EEIG1: variants seen among roughly 807,000 people sequenced by gnomAD.
EEIG1 encodes the protein estrogen-induced osteoclastogenesis regulator 1.
chr9:127,967,167 TG>T, the EEIG1 span, among the ~76,000 whole-genome samples: 2 of 152,168 alleles, frequency 1.3e-5, no homozygotes, highest in African/African-American at 4.8e-5. Context: ...CAAGACCTGC[TG>T]GTGTTGGGGA....
the EEIG1 span, chr9:127,943,265 C>T: frequency 7.2e-5 from 116 of 1,611,910 alleles, no homozygotes; most frequent in Non-Finnish European, 5.0e-5. Flanking sequence ...GTCAGCATGT[C>T]CCCCTCGATA....
chr9:127,943,159 G>T, the EEIG1 span: 1 of 1,610,018 alleles, frequency 6.2e-7, no homozygotes, highest in South Asian at 1.1e-5. Flanking sequence ...TCCAGAGAAA[G>T]CAGGACTCTT....
the EEIG1 span, chr9:127,979,879 G>C: frequency 3.8e-6 from 5 of 1,313,924 alleles, no homozygotes; most frequent in Non-Finnish European, 3.1e-6. Context: ...CAGGCACACA[G>C]AATCCCCCGG....
chr9:127,953,930 G>C, the EEIG1 span: 2 of 1,613,596 alleles, frequency 1.2e-6, no homozygotes, highest in Non-Finnish European at 8.5e-7. Flanking sequence ...TCCTCCCTGT[G>C]GGCCAGAGGC....
the EEIG1 span, among the ~76,000 whole-genome samples, chr9:127,954,680 G>C: frequency 1.3e-5 from 2 of 152,132 alleles, no homozygotes; most frequent in South Asian, 4.1e-4. Context: ...GGGGCCCGGA[G>C]GCTAAGACCC....
At chr9:127,944,281 C>T in the EEIG1 span, 1 of 418,656 alleles carries the variant, frequency 2.4e-6, no homozygotes. Context: ...GTCCCTGGAG[C>T]TGGGAGGAAG....
chr9:127,952,025 G>A, the EEIG1 span, among the ~76,000 whole-genome samples: 1 of 152,206 alleles, frequency 6.6e-6, no homozygotes, highest in African/African-American at 2.4e-5. Flanking sequence ...AGAAGGGAAG[G>A]GGCCTGGCAG....
the EEIG1 span, among the ~76,000 whole-genome samples, chr9:127,972,846 T>C: frequency 6.6e-6 from 1 of 152,132 alleles, no homozygotes; most frequent in Admixed American, 6.5e-5. This position sits in a 1 kb window ranked among gnomAD's most constrained non-coding sequence, Gnocchi z 4.3. Flanking sequence ...GACCCAGGGT[T>C]TGCCACCACA....
chr9:127,944,471 G>A, the EEIG1 span: 1 of 658,468 alleles, frequency 1.5e-6, no homozygotes, highest in Admixed American at 2.3e-5. Context: ...GATGGGGAAA[G>A]GGAGGTTCAG....
At chr9:127,977,135 C>A in the EEIG1 span, among the ~76,000 whole-genome samples, 1 of 152,244 alleles carries the variant, frequency 6.6e-6, no homozygotes, top group African/African-American at 2.4e-5. Context: ...TCCAGCCACA[C>A]CTACCCAACA....
chr9:127,979,195 T>G, the EEIG1 span, among the ~76,000 whole-genome samples: 1 of 152,278 alleles, frequency 6.6e-6, no homozygotes, highest in East Asian at 1.9e-4. Flanking sequence ...TGTATTAGGC[T>G]CACTTTCCAG....
At chr9:127,967,301 G>A in the EEIG1 span, among the ~76,000 whole-genome samples, 1 of 152,110 alleles carries the variant, frequency 6.6e-6, no homozygotes, top group Non-Finnish European at 1.5e-5. Flanking sequence ...GTCAGGCACC[G>A]AGCCAAGCAC....
At chr9:127,967,499 T>C in the EEIG1 span, among the ~76,000 whole-genome samples, 2 of 152,200 alleles carry the variant, frequency 1.3e-5, no homozygotes, top group African/African-American at 2.4e-5. Context: ...TGGGCTCCCA[T>C]GCCAGGGTTG....
the EEIG1 span, among the ~76,000 whole-genome samples, chr9:127,952,373 C>A: frequency 5.3e-5 from 8 of 152,234 alleles, no homozygotes; most frequent in African/African-American, 1.9e-4. Context: ...TGAAGCCCAC[C>A]CTCCTGCCAC....
chr9:127,948,042 G>C, the EEIG1 span: 1 of 1,594,632 alleles, frequency 6.3e-7, no homozygotes, highest in Non-Finnish European at 8.6e-7. Flanking sequence ...CCGCTAGCAG[G>C]GGAGGGGCGG....
the EEIG1 span, among the ~76,000 whole-genome samples, chr9:127,952,052 G>A: frequency 6.6e-6 from 1 of 152,196 alleles, no homozygotes; most frequent in Non-Finnish European, 1.5e-5. Context: ...CCATGTGCTG[G>A]GTGCCTGGTA....
At chr9:127,970,558 G>A in the EEIG1 span, among the ~76,000 whole-genome samples, 2 of 152,244 alleles carry the variant, frequency 1.3e-5, no homozygotes, top group African/African-American at 4.8e-5. Context: ...ATTCCCTGAT[G>A]ACAGAGGTTG....
chr9:127,948,212 C>A, the EEIG1 span: 1 of 1,613,932 alleles, frequency 6.2e-7, no homozygotes, highest in Non-Finnish European at 8.5e-7. Context: ...ATGGACTTGG[C>A]AGTCGATGGT....
At chr9:127,944,531 A>T in the EEIG1 span, 1 of 995,528 alleles carries the variant, frequency 1.0e-6, no homozygotes, top group Non-Finnish European at 1.6e-6. Flanking sequence ...TTGGCGTTCA[A>T]GGCCAGGTGA....
Sources: gnomAD v4.1 joint callset for allele counts (sites outside exome capture counted in the v4.1 genomes callset) on GRCh38, gnomAD v4.1.1 for gene constraint, Gnocchi (gnomAD v3.1) non-coding constraint, MANE v1.5 for transcripts, NCBI Gene and HGNC (gene_info 2026-07-23, HGNC 2026-07-21) for gene names.